SNTG2: variants seen among roughly 807,000 people sequenced by gnomAD.
The protein encoded by SNTG2 is gamma-2-syntrophin.
Under a neutral mutation model 70.9 loss-of-function variants are expected in SNTG2, and 74 were observed. The ratio of observed to expected loss-of-function variants is 1.04; its 90% CI spans 0.86 to 1.27. SNTG2 has a LOEUF of 1.27. SNTG2 is among the 50% of genes most tolerant of loss of function. The pLI, the probability that SNTG2 is intolerant of heterozygous loss-of-function variation, is 0.00. For synonymous variants in SNTG2, 278 were observed against 273.8 expected, an observed-to-expected ratio of 1.02 and a Z score of -0.15; for missense variants, 717 against 690.7, an observed-to-expected ratio of 1.04 and a Z score of -0.43.
chr2:986,067 T>TAGAGAGAGAGAG lies in SNTG2; in HGVS notation c.72+35031_72+35042dup, dbSNP rs10633277. 4.3e-3 allele frequency among the ~76,000 whole-genome samples: 564 copies of TAGAGAGAGAGAG among 129,780 alleles called. 9 individuals carry two copies. The highest frequency in any genetic ancestry group is 6.8e-3 in the South Asian group (23 of 3,390). 85.1% of individuals were successfully genotyped at this position (129,780 alleles called of 152,430 possible). On this transcript the variant is annotated intron_variant, in intron 1 of 16. Transcript: ENST00000308624. Reference sequence around the variant, plus strand: ...GGAAAAATACATTCCCTGCAAATAATAGAGAGAGAGAGAGAGAGAGAGAGA... The same window carrying TAGAGAGAGAGAG: ...GGAAAAATACATTCCCTGCAAATAATAGAGAGAGAGAGAGAGAGAGAGAGAGAGAGAGAGAGA...
intron 1 of SNTG2, among the ~76,000 whole-genome samples, chr2:1,017,504 G>A (rs775369477): frequency 1.1e-4 from 17 of 152,044 alleles, no homozygotes; most frequent in African/African-American, 3.4e-4. Context: ...AGACACATAC[G>A]TGCACATTCA....
intron 16 of SNTG2, among the ~76,000 whole-genome samples, chr2:1,365,241 G>T (rs1661415664): frequency 6.6e-6 from 1 of 152,146 alleles, no homozygotes. Context: ...CCAGAGTGAG[G>T]GATGCTGGTT....
At chr2:1,143,541 C>T (rs573918601) in intron 6 of SNTG2, among the ~76,000 whole-genome samples, 1 of 151,758 alleles carries the variant, frequency 6.6e-6, no homozygotes, top group Non-Finnish European at 1.5e-5. Flanking sequence ...GTTGGGATTG[C>T]TGGAATGCAA....
intron 8 of SNTG2, among the ~76,000 whole-genome samples, chr2:1,193,805 T>C (rs1672741645): frequency 6.6e-6 from 1 of 152,214 alleles, no homozygotes; most frequent in African/African-American, 2.4e-5. Flanking sequence ...CATTTTAGAT[T>C]CCTGACCACA....
At position 1,252,289 on chromosome 2, in the gene SNTG2, A is replaced by G. The variant is rs374574866; in HGVS notation, c.1005+4846A>G. ...AATATTCCATCCAAAAGTTAGATTG[A>G]TTTGACTTGTTTTATCTGTATACTT... On this transcript the variant is annotated intron_variant, in intron 12 of 16. Transcript: ENST00000308624. Among the ~76,000 whole-genome samples, 7 of 152,334 alleles carry G rather than the reference A, an allele frequency of 4.6e-5. No individual in the cohort carries two copies. The East Asian group carries it at 1.2e-3, about 25-fold the overall frequency.
chr2:1,232,175 A>G (rs1676297781), intron 9 of SNTG2, among the ~76,000 whole-genome samples: 2 of 152,208 alleles, frequency 1.3e-5, no homozygotes, highest in Non-Finnish European at 2.9e-5. Flanking sequence ...ACCAATGGGA[A>G]GTGACAGAGA....
chr2:1,137,650 A>T lies in SNTG2; in HGVS notation c.354A>T (p.Gly118=). The T allele has an allele frequency of 1.2e-6, 2 of 1,613,126 alleles. No individual in the cohort carries two copies. Among genetic ancestry groups the T allele is most frequent in the Non-Finnish European group, 1.7e-6 (2 of 1,179,688 alleles). Residue 118 remains glycine (G), a synonymous_variant, in exon 5 of 17, where the codon GGA becomes GGT. Coordinates refer to ENST00000308624, the MANE Select transcript of SNTG2 (RefSeq NM_018968.4). ...AADQTGMLFV[G]DAVLQVNGIH... Reference sequence around the variant, plus strand: ...ACCAGACAGGGATGTTGTTCGTAGGAGATGCTGTTCTCCAGGTCAGTATTG... The same window carrying T: ...ACCAGACAGGGATGTTGTTCGTAGGTGATGCTGTTCTCCAGGTCAGTATTG...
intron 1 of SNTG2, among the ~76,000 whole-genome samples, chr2:1,047,164 T>C (rs998194232): frequency 3.9e-5 from 6 of 152,224 alleles, no homozygotes; most frequent in Admixed American, 1.3e-4. Flanking sequence ...GATTGTGTTA[T>C]GAAATTCTTG....
chr2:995,534 G>A (rs1028046612), intron 1 of SNTG2, among the ~76,000 whole-genome samples: 6 of 152,046 alleles, frequency 3.9e-5, no homozygotes, highest in Non-Finnish European at 7.4e-5. Context: ...TTCTTGTGGT[G>A]TCTGATCTGT....
At chr2:1,165,465 G>A (rs1375603897) in intron 6 of SNTG2, 83 bp from the exon 7 acceptor site, 1 of 1,254,966 alleles carries the variant, frequency 8.0e-7, no homozygotes, top group Admixed American at 2.1e-5. Flanking sequence ...TGGGAAACAG[G>A]AGAGGTAGAG....
At chr2:1,006,389 T>C (rs1348535386) in intron 1 of SNTG2, among the ~76,000 whole-genome samples, 2 of 111,384 alleles carry the variant, frequency 1.8e-5, no homozygotes, top group Non-Finnish European at 1.8e-5. Flanking sequence ...AGATATTAAA[T>C]AAAGTAGAAT....
rs186727268 is a variant in SNTG2 at position 1,019,830 on chromosome 2, C to A, written c.73-63688C>A. On this transcript the variant is annotated intron_variant, in intron 1 of 16. Transcript: ENST00000308624. The stretch of plus-strand genomic sequence containing the variant: ...TTGGGAGGCCGAGGCAGGTGGATCA[C>A]CTGAGGTCAGGAGACTAGTGTGGCC... 3.3e-3 allele frequency among the ~76,000 whole-genome samples: 508 copies of A among 152,138 alleles called. 4 individuals carry two copies. Among genetic ancestry groups the A allele is most frequent in the African/African-American group, 0.012 (488 of 41,506 alleles).
At chr2:1,054,555 T>C (rs1421152399) in intron 1 of SNTG2, among the ~76,000 whole-genome samples, 1 of 152,094 alleles carries the variant, frequency 6.6e-6, no homozygotes, top group Non-Finnish European at 1.5e-5. Context: ...TGGCTAGAGA[T>C]GTTAGAGAAG....
At chr2:1,017,877 C>T (rs530220471) in intron 1 of SNTG2, among the ~76,000 whole-genome samples, 7 of 152,090 alleles carry the variant, frequency 4.6e-5, no homozygotes, top group Non-Finnish European at 8.8e-5. Context: ...TCTACAAATG[C>T]GGATGGTGTG....
intron 11 of SNTG2, among the ~76,000 whole-genome samples, chr2:1,244,712 A>C (rs994268004): frequency 6.6e-6 from 1 of 151,592 alleles, no homozygotes; most frequent in African/African-American, 2.4e-5. Context: ...AAAAAAAAAA[A>C]AAAACAGTTT....
chr2:977,755 C>T (rs763312783), intron 1 of SNTG2, among the ~76,000 whole-genome samples: 6 of 152,088 alleles, frequency 3.9e-5, no homozygotes, highest in Non-Finnish European at 4.4e-5. Context: ...GACCTGCCTG[C>T]GTTGCCAACG....
At chr2:1,028,327 T>G (rs988307485) in intron 1 of SNTG2, among the ~76,000 whole-genome samples, 4 of 152,262 alleles carry the variant, frequency 2.6e-5, no homozygotes, top group Non-Finnish European at 5.9e-5. Context: ...TGAAGGTGCA[T>G]CTGACCCACA....
At chr2:1,318,912 G>C (rs73179437) in intron 16 of SNTG2, among the ~76,000 whole-genome samples, 5,327 of 152,264 alleles carry the variant, frequency 0.035, 322 homozygotes, top group African/African-American at 0.12. Flanking sequence ...CTGAGCCTCT[G>C]TCATCCCCGG....
intron 15 of SNTG2, among the ~76,000 whole-genome samples, chr2:1,310,789 C>T (rs1007487553): frequency 6.6e-6 from 1 of 152,198 alleles, no homozygotes; most frequent in Non-Finnish European, 1.5e-5. Context: ...TCATTTCAGA[C>T]AGAACTGTCT....
Sources: allele counts gnomAD v4.1 joint callset (sites outside exome capture counted in the v4.1 genomes callset), GRCh38; gene constraint gnomAD v4.1.1; transcripts MANE v1.5; gene names NCBI Gene and HGNC (gene_info 2026-07-23, HGNC 2026-07-21).